Variants in FLRT1 observed in about 807,000 individuals in gnomAD.
The protein encoded by FLRT1 is fibronectin leucine rich transmembrane protein 1.
A neutral mutation model predicts 30.9 loss-of-function variants in FLRT1; 14 were observed. The observed-to-expected ratio is 0.45, with a 90% confidence interval of 0.30 to 0.71. The LOEUF (loss-of-function observed/expected upper bound fraction) is 0.71. FLRT1 is among the 30% of genes least tolerant of loss of function. FLRT1 has a pLI of 0.08. For missense variants in FLRT1, 737 were observed against 949.2 expected (o/e 0.78, Z 2.94); for synonymous variants, 368 against 430.4 (o/e 0.85, Z 1.80).
chr11:64,113,794 T>C (rs1010028933), intron 2 of FLRT1, among the ~76,000 whole-genome samples: 2 of 140,198 alleles, frequency 1.4e-5, no homozygotes, highest in Non-Finnish European at 3.0e-5. Context: ...GACAGGTGCA[T>C]GCATGATGGA....
intron 1 of FLRT1, among the ~76,000 whole-genome samples, chr11:64,088,611 T>C (rs910996659): frequency 6.6e-6 from 1 of 152,160 alleles, no homozygotes; most frequent in African/African-American, 2.4e-5. Flanking sequence ...CCCCGGGTTT[T>C]GTTTTTCCAT....
chr11:64,043,472 A>G (rs562750), intron 1 of FLRT1, among the ~76,000 whole-genome samples: 45,252 of 151,952 alleles, frequency 0.3, 7,597 homozygotes, highest in African/African-American at 0.45. Context: ...GGGCAAGTTG[A>G]GGTGTGGGTG....
At position 64,117,706 on chromosome 11, in the gene FLRT1, T is replaced by C. The variant is rs776740360; in HGVS notation, c.1439T>C (p.Ile480Thr). 3 of 1,613,530 alleles carry C rather than the reference T, an allele frequency of 1.9e-6. No homozygotes were observed. Among genetic ancestry groups the C allele is most frequent in the Non-Finnish European group, 2.5e-6 (3 of 1,179,950 alleles). Residue 480 changes from isoleucine to threonine, a missense_variant, in exon 3 of 3, where the codon ATC becomes ACC. Ile to Thr is a moderately conservative substitution (Grantham distance 89, BLOSUM62 -1). Transcript: ENST00000682287. ...GGCCACAGCCCAGCCGTGGGCTCCA[T>C]CACGGAGACCTTGGTGCAGGGGGAC... The part of the protein sequence containing the change: ...RLGHSPAVGS[I>T]TETLVQGDKT...
At chr11:64,106,364 A>G (rs1470268070) in intron 2 of FLRT1, among the ~76,000 whole-genome samples, 1 of 152,144 alleles carries the variant, frequency 6.6e-6, no homozygotes, top group Non-Finnish European at 1.5e-5. Flanking sequence ...GTCTAGGTTC[A>G]GGGGCCTCCC....
intron 1 of FLRT1, among the ~76,000 whole-genome samples, chr11:64,050,032 G>T (rs1374710123): frequency 6.6e-6 from 1 of 152,194 alleles, no homozygotes; most frequent in East Asian, 1.9e-4. Flanking sequence ...ATAAGAAATG[G>T]CCTGGTAAAG....
chr11:64,085,331 G>A (rs1209249001), intron 1 of FLRT1, among the ~76,000 whole-genome samples: 1 of 152,188 alleles, frequency 6.6e-6, no homozygotes, highest in East Asian at 1.9e-4. Flanking sequence ...ACAAGCCTCA[G>A]CGCCCGCTGC....
In FLRT1 at chr11:64,116,772, G is replaced by C; in HGVS notation, c.505G>C (p.Glu169Gln). The change falls in exon 3 of 3, where the codon GAG becomes CAG. Residue 169 changes from glutamate to glutamine, a missense_variant. Glu to Gln is a conservative substitution (Grantham distance 29). Coordinates refer to ENST00000682287, the MANE Select transcript of FLRT1 (RefSeq NM_013280.5). ...DDNSVSTVSI[E>Q]EDAFADSKQL... ...CAACTCCGTGTCCACCGTCAGCATTGAGGAGGACGCCTTCGCCGACAGCAA... is the reference window on the plus strand; with the variant it reads ...CAACTCCGTGTCCACCGTCAGCATTCAGGAGGACGCCTTCGCCGACAGCAA... 6.2e-7 allele frequency: 1 copy of C among 1,613,630 alleles called. No homozygotes were observed.
intron 1 of FLRT1, among the ~76,000 whole-genome samples, chr11:64,099,458 AG>A (rs1424642695): frequency 6.6e-6 from 1 of 152,208 alleles, no homozygotes; most frequent in Non-Finnish European, 1.5e-5. Flanking sequence ...AGAAATGGAT[AG>A]GTGGAGAGAA....
Position 64,117,172 on chromosome 11 carries a change from CCAA to C in FLRT1, c.913_915del (p.Asn305del), listed in dbSNP as rs1590933158. ...CGTGAGCTGGAGCGGCTGGACCTGT[CCAA>C]CAACAACCTGACCACGCTGCCCCGC... On this transcript the variant is annotated inframe_deletion, in exon 3 of 3. Transcript: ENST00000682287. The C allele has an allele frequency of 6.2e-7, 1 of 1,614,000 alleles. No individual in the cohort carries two copies. Among genetic ancestry groups the C allele is most frequent in the Middle Eastern group, 1.7e-4 (1 of 6,052 alleles).
At chr11:64,074,466 G>A (rs1424355586) in intron 1 of FLRT1, among the ~76,000 whole-genome samples, 1 of 152,198 alleles carries the variant, frequency 6.6e-6, no homozygotes, top group Non-Finnish European at 1.5e-5. Context: ...GTGGGAGGGA[G>A]GACCTGTCAT....
intron 2 of FLRT1, among the ~76,000 whole-genome samples, chr11:64,110,649 C>A (rs1017220074): frequency 1.3e-5 from 2 of 151,994 alleles, no homozygotes; most frequent in African/African-American, 4.8e-5. Flanking sequence ...CTGCTCCCTT[C>A]GCCCACCCCC....
Position 64,116,529 on chromosome 11 carries a change from C to G in FLRT1, c.262C>G (p.Leu88Val). ...CCCTGATGATGCCACCACCCTCTACCTGCAGAACAACCAGATCAACAACGC... is the reference window on the plus strand; with the variant it reads ...CCCTGATGATGCCACCACCCTCTACGTGCAGAACAACCAGATCAACAACGC... ...DIPDDATTLY[L>V]QNNQINNAGI... Residue 88 changes from leucine (L) to valine (V), a missense_variant, in exon 3 of 3, where the codon CTG (leucine) becomes GTG (valine). Transcript: ENST00000682287. 6.2e-7 allele frequency: 1 copy of G among 1,614,080 alleles called. No homozygotes were observed. Among genetic ancestry groups the G allele is most frequent in the Non-Finnish European group, 8.5e-7 (1 of 1,179,988 alleles).
chr11:64,087,576 A>C (rs1460843560), intron 1 of FLRT1, among the ~76,000 whole-genome samples: 1 of 152,224 alleles, frequency 6.6e-6, no homozygotes, highest in Non-Finnish European at 1.5e-5. Context: ...TGGTACCAGC[A>C]TCCTGCAGCT....
chr11:64,097,996 C>G (rs541501999), intron 1 of FLRT1, among the ~76,000 whole-genome samples: 1 of 152,284 alleles, frequency 6.6e-6, no homozygotes, highest in African/African-American at 2.4e-5. Context: ...CTGGGGGCCT[C>G]CCAAGTTGGC....
chr11:64,104,009 G>T lies in FLRT1; in HGVS notation c.-222G>T, dbSNP rs1218564100. On this transcript the variant is annotated 5_prime_UTR_variant, in exon 2 of 3. Coordinates refer to ENST00000682287, the MANE Select transcript of FLRT1 (RefSeq NM_013280.5). ...CCCAGTGCTGCCCAGTCACCCCAGGGCTGAGGTCTGCGTCCCTAGTGGTGC... is the reference window on the plus strand; with the variant it reads ...CCCAGTGCTGCCCAGTCACCCCAGGTCTGAGGTCTGCGTCCCTAGTGGTGC... The T allele has an allele frequency of 6.6e-6, 1 of 152,336 alleles. No homozygotes were observed. Among genetic ancestry groups the T allele is most frequent in the Admixed American group, 6.5e-5 (1 of 15,284 alleles). 9.4% of individuals were successfully genotyped at this position (152,336 alleles called of 1,614,324 possible).
In FLRT1 at chr11:64,064,588, C is replaced by T. The variant is rs1943961656; in HGVS notation, c.-1038+28429C>T. ...TGGCTGACACGGAGCTGGCTTTCTT[C>T]CCTGGCCCTGTTAAAACCCAGAATG... On this transcript the variant is annotated intron_variant, in intron 1 of 2. Coordinates refer to ENST00000682287, the MANE Select transcript of FLRT1 (RefSeq NM_013280.5). This position sits in a 1 kb window ranked among gnomAD's most constrained non-coding sequence, Gnocchi z 4.5. Among the ~76,000 whole-genome samples, 1 of 151,928 alleles carries T rather than the reference C, an allele frequency of 6.6e-6. No homozygotes were observed. The highest frequency in any genetic ancestry group is 1.5e-5 in the Non-Finnish European group (1 of 67,948).
Position 64,103,602 on chromosome 11 carries a change from T to C in FLRT1, c.-629T>C, listed in dbSNP as rs986445857. ...AAAGGAATTAAAAAAAAAAAAAGCC[T>C]TGGTAAACAAAAAGGGGGTAAAAGC... On this transcript the variant is annotated 5_prime_UTR_variant, in exon 2 of 3. Transcript: ENST00000682287. 12 of 147,026 alleles carry C rather than the reference T, an allele frequency of 8.2e-5. No homozygotes were observed. Among genetic ancestry groups the C allele is most frequent in the African/African-American group, 2.8e-4 (11 of 39,722 alleles). 9.1% of individuals were successfully genotyped at this position (147,026 alleles called of 1,614,324 possible). A position where few individuals can be genotyped will look rare whatever the true frequency, so the allele number is the denominator to read the frequency against.
intron 1 of FLRT1, chr11:64,081,806 G>A (rs529879714): frequency 6.6e-6 from 1 of 152,140 alleles, no homozygotes; most frequent in African/African-American, 2.4e-5. Flanking sequence ...GGAGCTGCCG[G>A]AGAGAGGTCC....
At chr11:64,074,708 C>G (rs566047697) in intron 1 of FLRT1, among the ~76,000 whole-genome samples, 1 of 152,316 alleles carries the variant, frequency 6.6e-6, no homozygotes, top group African/African-American at 2.4e-5. Flanking sequence ...CCAAACTGCC[C>G]TGTGGGTCCC....
Sources: gnomAD v4.1 joint callset for allele counts (sites outside exome capture counted in the v4.1 genomes callset) on GRCh38, gnomAD v4.1.1 for gene constraint, Gnocchi (gnomAD v3.1) non-coding constraint, MANE v1.5 for transcripts, NCBI Gene and HGNC (gene_info 2026-07-23, HGNC 2026-07-21) for gene names.